The following IKBKB variants were observed in gnomAD, a reference collection of about 807,000 sequenced individuals.
IKBKB encodes the protein inhibitor of nuclear factor kappa-B kinase subunit beta.
In IKBKB, 42 loss-of-function variants were observed where a neutral mutation model predicts 113.6. The ratio of observed to expected loss-of-function variants is 0.37; its 90% CI spans 0.29 to 0.48. The LOEUF (loss-of-function observed/expected upper bound fraction) is 0.48, where lower values mean the gene tolerates loss of function less well. Among genes scored for constraint, IKBKB ranks in the 20% least tolerant of loss-of-function variants. IKBKB has a pLI of 0.99. For missense variants in IKBKB, 673 were observed against 939.7 expected (o/e 0.72, Z 3.71); for synonymous variants, 296 against 361.3 (o/e 0.82, Z 2.05).
At position 42,331,098 on chromosome 8, in the gene IKBKB, GC is replaced by G; in HGVS notation, c.*121del. 2 of 1,487,000 alleles carry G rather than the reference GC, an allele frequency of 1.3e-6. No homozygotes were observed. The highest frequency in any genetic ancestry group is 1.8e-6 in the Non-Finnish European group (2 of 1,093,640). The allele number at this position is 1,487,000 out of a possible 1,614,324, so 92.1% of individuals were successfully genotyped here. ...AGGCCGCGTGACGTGGGGCTGCCTG[GC>G]CGCGGCTCTCACATGGTGGTTCCTG... is the stretch of plus-strand genomic sequence containing the variant. On this transcript the variant is annotated 3_prime_UTR_variant, in exon 22 of 22. Transcript: ENST00000520810.
At chr8:42,321,977 C>T in intron 17 of IKBKB, 32 bp downstream of exon 17, 1 of 1,611,340 alleles carries the variant, frequency 6.2e-7, no homozygotes, top group Admixed American at 1.7e-5. Flanking sequence ...CCTTGGGCTT[C>T]TCCTTATCTC....
intron 8 of IKBKB, chr8:42,309,463 G>A (rs959991335): frequency 1.7e-5 from 7 of 405,036 alleles, no homozygotes; most frequent in African/African-American, 1.0e-4. Flanking sequence ...TTTTTAAAGC[G>A]TAAGAATGTG....
rs558707082 is a variant in IKBKB, at chr8:42,274,243, C to T, written c.105+2038C>T. On this transcript the variant is annotated intron_variant, in intron 2 of 21. Coordinates refer to ENST00000520810, the MANE Select transcript of IKBKB (RefSeq NM_001556.3). Reference sequence around the variant, plus strand: ...TGGGGTTTCACCATGTAGGCCATGCCGGTCTCAAACTCCTGACCTCAGGTG... The same window carrying T: ...TGGGGTTTCACCATGTAGGCCATGCTGGTCTCAAACTCCTGACCTCAGGTG... Among the ~76,000 whole-genome samples the T allele has an allele frequency of 1.3e-3, 201 of 151,926 alleles. 1 individual carries two copies. Among genetic ancestry groups the T allele is most frequent in the African/African-American group, 4.3e-3 (178 of 41,438 alleles).
At chr8:42,293,067 C>T (rs1020828003) in intron 4 of IKBKB, among the ~76,000 whole-genome samples, 2 of 152,104 alleles carry the variant, frequency 1.3e-5, no homozygotes, top group Non-Finnish European at 2.9e-5. Flanking sequence ...GGGTGGTATC[C>T]AGTCATGCCC....
Position 42,316,751 on chromosome 8 carries a change from C to T in IKBKB, c.972C>T (p.Thr324=), listed in dbSNP as rs201841666. Residue 324 remains threonine (T), a synonymous_variant, in exon 11 of 22, where the codon ACC becomes ACT. Transcript: ENST00000520810. This position sits in a 1 kb window ranked among gnomAD's most constrained non-coding sequence, Gnocchi z 4.5. Reference sequence around the variant, plus strand: ...ACATGGTCACGGGCACCATCCACACCTACCCTGTGACAGAGGATGAGAGTC... The same window carrying T: ...ACATGGTCACGGGCACCATCCACACTTACCCTGTGACAGAGGATGAGAGTC... ...ILNMVTGTIH[T]YPVTEDESLQ... is the part of the protein sequence containing the mutation. 42 of 1,614,120 alleles carry T rather than the reference C, an allele frequency of 2.6e-5. No homozygotes were observed. The South Asian group carries it at 4.4e-4, about 17-fold the overall frequency.
Position 42,316,115 on chromosome 8 carries a change from C to G in IKBKB, c.801-95C>G. 7.3e-7 allele frequency: 1 copy of G among 1,361,614 alleles called. No homozygotes were observed. The highest frequency in any genetic ancestry group is 1.3e-5 in the South Asian group (1 of 76,028). 84.3% of individuals were successfully genotyped at this position (1,361,614 alleles called of 1,614,324 possible). ...ACCCATTTTCATTTTCAATCACCGT[C>G]TACTGGCTGCCGTCTGTGTGTATAC... On this transcript the variant is annotated intron_variant, in intron 9 of 21. Transcript: ENST00000520810. This position sits in a 1 kb window ranked among gnomAD's most constrained non-coding sequence, Gnocchi z 4.5.
Position 42,326,054 on chromosome 8 carries a change from C to G in IKBKB, c.2071C>G (p.Pro691Ala). The change falls in exon 20 of 22, where the codon CCC (proline) becomes GCC (alanine). Residue 691 changes from proline to alanine, a missense_variant. Coordinates refer to ENST00000520810, the MANE Select transcript of IKBKB (RefSeq NM_001556.3). The part of the protein sequence containing the change: ...LSQPGQLMSQ[P>A]STASNSLPEP... Reference sequence around the variant, plus strand: ...CCAGCCTGGGCAGCTGATGTCTCAGCCCTCCACGGCCTCCAACAGCTTACC... The same window carrying G: ...CCAGCCTGGGCAGCTGATGTCTCAGGCCTCCACGGCCTCCAACAGCTTACC... 1 of 1,614,256 alleles carries G rather than the reference C, an allele frequency of 6.2e-7. No individual in the cohort carries two copies.
chr8:42,291,515 G>A (rs1045202803), intron 4 of IKBKB, among the ~76,000 whole-genome samples: 1 of 152,172 alleles, frequency 6.6e-6, no homozygotes, highest in Non-Finnish European at 1.5e-5. Context: ...AAAAGAGGTC[G>A]GTTGCTCTGC....
chr8:42,323,214 G>A (rs1272581558), intron 19 of IKBKB, among the ~76,000 whole-genome samples: 1 of 152,214 alleles, frequency 6.6e-6, no homozygotes, highest in Non-Finnish European at 1.5e-5. Context: ...CTCCAAGTAC[G>A]GTCACACTCA....
chr8:42,325,343 G>T lies in IKBKB; in HGVS notation c.1987-627G>T, dbSNP rs756538122. On this transcript the variant is annotated intron_variant, in intron 19 of 21. Transcript: ENST00000520810. ...TCCCATAGCCTTTGTGTGTGTGTCTGTCTTCTACCTGGAAAACAGTAAGAA... is the reference window on the plus strand; with the variant it reads ...TCCCATAGCCTTTGTGTGTGTGTCTTTCTTCTACCTGGAAAACAGTAAGAA... The T allele has an allele frequency of 8.8e-5, 87 of 985,856 alleles. 1 individual carries two copies. Among genetic ancestry groups the T allele is most frequent in the Admixed American group, 1.8e-4 (3 of 16,292 alleles). The allele number at this position is 985,856 out of a possible 1,614,324, so 61.1% of individuals were successfully genotyped here.
rs1753451983 is a variant in IKBKB, at chr8:42,325,758, C to T, written c.1987-212C>T. The T allele has an allele frequency of 2.9e-6, 4 of 1,364,134 alleles. No individual in the cohort carries two copies. The South Asian group carries it at 5.1e-5, about 17-fold the overall frequency. 84.5% of individuals were successfully genotyped at this position (1,364,134 alleles called of 1,614,324 possible). A position where few individuals can be genotyped will look rare whatever the true frequency, so the allele number is the denominator to read the frequency against. ...CCCAGGTCTCCTTAAATTTAGAATCCTTTCCTCAAAAGTCTCCGTTGATAC... is the reference window on the plus strand; with the variant it reads ...CCCAGGTCTCCTTAAATTTAGAATCTTTTCCTCAAAAGTCTCCGTTGATAC... On this transcript the variant is annotated intron_variant, in intron 19 of 21. Coordinates refer to ENST00000520810, the MANE Select transcript of IKBKB (RefSeq NM_001556.3).
At chr8:42,306,742 T>C (rs6474386) in intron 7 of IKBKB, among the ~76,000 whole-genome samples, 115,944 of 152,160 alleles carry the variant, frequency 0.76, 48,258 homozygotes, top group Non-Finnish European at 0.93. Context: ...ATGCTGGTCT[T>C]GAGCGGTCCT....
chr8:42,304,621 T>G (rs1816129957), intron 5 of IKBKB, among the ~76,000 whole-genome samples: 1 of 152,182 alleles, frequency 6.6e-6, no homozygotes, highest in Non-Finnish European at 1.5e-5. Flanking sequence ...GGTGTCCCTG[T>G]TCTCCTCTTC....
At position 42,316,164 on chromosome 8, in the gene IKBKB, A is replaced by C; in HGVS notation, c.801-46A>C. The C allele has an allele frequency of 1.2e-6, 2 of 1,607,422 alleles. No homozygotes were observed. The highest frequency in any genetic ancestry group is 1.7e-6 in the Non-Finnish European group (2 of 1,176,130). ...ACTGGGAGACGCACACTGTAGCCCAACATTGGCTGGAAGTGTCTCCTCACA... is the reference window on the plus strand; with the variant it reads ...ACTGGGAGACGCACACTGTAGCCCACCATTGGCTGGAAGTGTCTCCTCACA... On this transcript the variant is annotated intron_variant, in intron 9 of 21. Coordinates refer to ENST00000520810, the MANE Select transcript of IKBKB (RefSeq NM_001556.3). The surrounding 1 kb of genome is among the most constrained non-coding windows in gnomAD (Gnocchi z 4.5).
At chr8:42,313,346 G>T (rs1329995034) in intron 8 of IKBKB, among the ~76,000 whole-genome samples, 2 of 152,100 alleles carry the variant, frequency 1.3e-5, no homozygotes, top group Non-Finnish European at 2.9e-5. Flanking sequence ...AGCTACTCAG[G>T]AGGCTGAGGA....
intron 20 of IKBKB, among the ~76,000 whole-genome samples, chr8:42,326,719 G>A (rs1241233609): frequency 6.6e-6 from 1 of 152,220 alleles, no homozygotes; most frequent in African/African-American, 2.4e-5. Context: ...ATCTGGGCCA[G>A]CAGTGCATCA....
intron 19 of IKBKB, chr8:42,325,758 C>A: frequency 7.3e-7 from 1 of 1,364,134 alleles, no homozygotes; most frequent in Admixed American, 3.3e-5. Context: ...ATTTAGAATC[C>A]TTTCCTCAAA....
intron 2 of IKBKB, among the ~76,000 whole-genome samples, chr8:42,277,312 A>G (rs1363368930): frequency 6.6e-6 from 1 of 150,398 alleles, no homozygotes; most frequent in African/African-American, 2.5e-5. Flanking sequence ...CTTCCCAAGT[A>G]GCTGGGATTA....
Position 42,314,708 on chromosome 8 carries a change from A to G in IKBKB, c.800+279A>G, listed in dbSNP as rs769171270. Among the ~76,000 whole-genome samples the G allele has an allele frequency of 2.2e-4, 34 of 151,702 alleles. 1 individual carries two copies. Among genetic ancestry groups the G allele is most frequent in the South Asian group, 1.0e-3 (5 of 4,776 alleles). ...GAGAATCACTTGAACCCGGGAGGCA[A>G]AGGTTGCAGTGAGCTGAGATCGTGC... On this transcript the variant is annotated intron_variant, in intron 9 of 21. Coordinates refer to ENST00000520810, the MANE Select transcript of IKBKB (RefSeq NM_001556.3).
Sources: gnomAD v4.1 joint callset for allele counts (sites outside exome capture counted in the v4.1 genomes callset) on GRCh38, gnomAD v4.1.1 for gene constraint, Gnocchi (gnomAD v3.1) non-coding constraint, MANE v1.5 for transcripts, NCBI Gene and HGNC (gene_info 2026-07-23, HGNC 2026-07-21) for gene names.